LRBA: variants seen among roughly 807,000 people sequenced by gnomAD.
LRBA encodes LPS responsive beige-like anchor protein.
LRBA carries 176 observed loss-of-function variants against 330.0 expected under a neutral mutation model. The ratio of observed to expected loss-of-function variants is 0.53; its 90% CI spans 0.47 to 0.60. The LOEUF is 0.60. Among genes scored for constraint, LRBA ranks in the 20% least tolerant of loss-of-function variants. LRBA has a pLI of 0.00. For missense variants in LRBA, 3,259 were observed against 3,444.8 expected (o/e 0.95, Z 1.35); for synonymous variants, 1,230 against 1,193.0 (o/e 1.03, Z -0.64).
At chr4:150,863,284 A>AT (rs909348933) in intron 22 of LRBA, among the ~76,000 whole-genome samples, 4 of 151,848 alleles carry the variant, frequency 2.6e-5, no homozygotes, top group South Asian at 2.1e-4. Flanking sequence ...CTCAAAAAAT[A>AT]TTTTTTTTCC....
At chr4:150,994,520 T>C (rs1316324741) in intron 2 of LRBA, among the ~76,000 whole-genome samples, 1 of 152,208 alleles carries the variant, frequency 6.6e-6, no homozygotes, top group East Asian at 1.9e-4. Context: ...AGTAAGTCCC[T>C]ACTTTTATGG....
chr4:150,526,681 C>T (rs1360732869), intron 40 of LRBA, among the ~76,000 whole-genome samples: 1 of 152,122 alleles, frequency 6.6e-6, no homozygotes, highest in Non-Finnish European at 1.5e-5. Context: ...TTTGTATCAT[C>T]TATTTCCCTT....
chr4:150,368,996 A>C (rs998427383), intron 47 of LRBA, among the ~76,000 whole-genome samples: 1 of 152,212 alleles, frequency 6.6e-6, no homozygotes, highest in East Asian at 1.9e-4. Flanking sequence ...AGAAGCTGAT[A>C]GTTCCCAAAC....
intron 37 of LRBA, among the ~76,000 whole-genome samples, chr4:150,613,877 CCTT>C (rs1305630924): frequency 6.6e-6 from 1 of 152,198 alleles, no homozygotes; most frequent in African/African-American, 2.4e-5. Flanking sequence ...TCCTAGAACT[CCTT>C]ACTTGGAGAG....
intron 52 of LRBA, among the ~76,000 whole-genome samples, chr4:150,306,659 C>CAGTAT (rs1730397984): frequency 6.6e-6 from 1 of 151,606 alleles, no homozygotes; most frequent in Non-Finnish European, 1.5e-5. Context: ...TTTTTAAAGA[C>CAGTAT]ATTAGAAGGT....
intron 35 of LRBA, 21 bp from the exon 36 acceptor site, chr4:150,735,387 C>T: frequency 6.9e-7 from 1 of 1,442,392 alleles, no homozygotes; most frequent in South Asian, 1.1e-5. Context: ...TGAATGTTAT[C>T]AAATAAATAT....
intron 56 of LRBA, among the ~76,000 whole-genome samples, chr4:150,274,393 A>G (rs753942830): frequency 5.3e-5 from 8 of 152,212 alleles, no homozygotes; most frequent in Non-Finnish European, 8.8e-5. Flanking sequence ...ATCACAATTA[A>G]AAGAACTACA....
chr4:150,376,057 A>G (rs922439914), intron 47 of LRBA, among the ~76,000 whole-genome samples: 5 of 152,328 alleles, frequency 3.3e-5, no homozygotes, highest in African/African-American at 1.2e-4. Flanking sequence ...GGCAAACAAT[A>G]TAACACATTA....
chr4:150,443,872 A>ATATATATT, intron 44 of LRBA, among the ~76,000 whole-genome samples: 1 of 88,434 alleles, frequency 1.1e-5, no homozygotes, highest in East Asian at 3.7e-4. Flanking sequence ...ATATATATAT[A>ATATATATT]TTTTTTTTTT....
intron 34 of LRBA, among the ~76,000 whole-genome samples, chr4:150,781,842 C>A (rs529669636): frequency 2.0e-5 from 3 of 152,232 alleles, no homozygotes; most frequent in African/African-American, 7.2e-5. Flanking sequence ...GGACCTCTAC[C>A]CTCCTTAAGT....
rs190397868 is a variant in LRBA at position 150,657,955 on chromosome 4, C to G, written c.5921+25596G>C. 1.1e-4 allele frequency among the ~76,000 whole-genome samples: 17 copies of G among 151,850 alleles called. No homozygotes were observed. The East Asian group carries it at 3.3e-3, about 29-fold the overall frequency. ...TACTGCAAAAGAAAGATCTGGCTCC[C>G]AAAGATAAAGGAGATTTTTGGTAAA... On this transcript the variant is annotated intron_variant, in intron 37 of 56. Transcript: ENST00000651943.
At chr4:150,575,364 G>C (rs1334037992) in intron 40 of LRBA, among the ~76,000 whole-genome samples, 1 of 151,830 alleles carries the variant, frequency 6.6e-6, no homozygotes, top group African/African-American at 2.4e-5. Flanking sequence ...GGATGAGGCA[G>C]GCTAGATTTT....
intron 47 of LRBA, among the ~76,000 whole-genome samples, chr4:150,371,147 T>A (rs1208309554): frequency 2.7e-5 from 4 of 150,906 alleles, no homozygotes; most frequent in Admixed American, 2.6e-4. Flanking sequence ...CTCCTTTTCA[T>A]AGTAGGTTGA....
intron 5 of LRBA, 32 bp downstream of exon 5, chr4:150,921,166 T>C (rs752510080): frequency 2.5e-5 from 34 of 1,386,958 alleles, no homozygotes; most frequent in Non-Finnish European, 3.5e-5. Flanking sequence ...AAAGAAGAAC[T>C]GGGAGTGATT....
intron 47 of LRBA, among the ~76,000 whole-genome samples, chr4:150,381,699 C>A (rs566710470): frequency 1.5e-5 from 2 of 137,152 alleles, no homozygotes; most frequent in South Asian, 4.4e-4. Context: ...TTCCAATTAT[C>A]TTGGATATAC....
At chr4:150,937,526 G>T (rs200310733) in intron 2 of LRBA, among the ~76,000 whole-genome samples, 1 of 151,870 alleles carries the variant, frequency 6.6e-6, no homozygotes, top group Non-Finnish European at 1.5e-5. Flanking sequence ...GTATTTTTTT[G>T]AATAATGTAG....
intron 44 of LRBA, among the ~76,000 whole-genome samples, chr4:150,464,704 G>C (rs913245360): frequency 3.3e-5 from 5 of 152,010 alleles, no homozygotes; most frequent in African/African-American, 9.7e-5. Context: ...GGACTAGCTT[G>C]TTAAGGATGA....
intron 53 of LRBA, among the ~76,000 whole-genome samples, chr4:150,287,009 G>T (rs549900062): frequency 6.6e-6 from 1 of 152,356 alleles, no homozygotes; most frequent in African/African-American, 2.4e-5. Flanking sequence ...GTCTTTCCAA[G>T]TGGAGAGCAG....
At chr4:150,269,226 T>G (rs1745760445) in intron 56 of LRBA, among the ~76,000 whole-genome samples, 1 of 152,158 alleles carries the variant, frequency 6.6e-6, no homozygotes, top group Non-Finnish European at 1.5e-5. Flanking sequence ...TGTTAGCAGT[T>G]GCACATTTTC....
Sources: allele counts gnomAD v4.1 joint callset (sites outside exome capture counted in the v4.1 genomes callset), GRCh38; gene constraint gnomAD v4.1.1; transcripts MANE v1.5; gene names NCBI Gene and HGNC (gene_info 2026-07-23, HGNC 2026-07-21).